The following TLCD4 variants were observed in gnomAD, a reference collection of about 807,000 sequenced individuals.
TLCD4 encodes TLC domain-containing protein 4.
In TLCD4, 7 loss-of-function variants were observed where a neutral mutation model predicts 24.2. That is an observed-to-expected ratio of 0.29 (90% confidence interval 0.16 to 0.54). The LOEUF (loss-of-function observed/expected upper bound fraction) is 0.54. Ranked by LOEUF, TLCD4 falls within the 20% of genes least tolerant of loss-of-function variation. TLCD4 has a pLI of 0.95. For missense variants in TLCD4, 259 were observed against 313.9 expected (o/e 0.82, Z 1.32); for synonymous variants, 103 against 106.4 (o/e 0.97, Z 0.20).
At chr1:95,131,439 A>G (rs771946335) in intron 1 of TLCD4, among the ~76,000 whole-genome samples, 6 of 152,230 alleles carry the variant, frequency 3.9e-5, no homozygotes, top group Non-Finnish European at 7.3e-5. Flanking sequence ...GCAGGTGCCA[A>G]CTGAGGCTGG....
the TLCD4 span, among the ~76,000 whole-genome samples, chr1:95,101,153 C>T: frequency 2.4e-4 from 37 of 152,134 alleles, no homozygotes; most frequent in East Asian, 7.8e-4. Context: ...GTGATCCACC[C>T]GCCTCAGCCT....
chr1:95,181,170 G>T (rs539167666), intron 6 of TLCD4, among the ~76,000 whole-genome samples: 1 of 150,602 alleles, frequency 6.6e-6, no homozygotes, highest in South Asian at 2.1e-4. Context: ...ATTTGTGTGT[G>T]TATGAAAAAT....
intron 1 of TLCD4, among the ~76,000 whole-genome samples, chr1:95,126,007 A>G (rs1005658761): frequency 6.8e-6 from 1 of 146,876 alleles, no homozygotes; most frequent in African/African-American, 2.5e-5. Context: ...AAAAAGGAAA[A>G]GAGGCCAGGT....
intron 1 of TLCD4, among the ~76,000 whole-genome samples, chr1:95,132,456 C>CAAAAA (rs34887671): frequency 1.7e-4 from 12 of 72,424 alleles, no homozygotes; most frequent in Non-Finnish European, 2.5e-4. Context: ...GACTCCAACT[C>CAAAAA]AAAAAAAAAA....
chr1:95,142,130 C>CTT (rs35609217), intron 1 of TLCD4, among the ~76,000 whole-genome samples: 29,105 of 119,214 alleles, frequency 0.24, 4,701 homozygotes, highest in East Asian at 0.31. Context: ...GCCTTAGTGC[C>CTT]TTTTTTTTTT....
At chr1:95,150,767 TA>T (rs1677472668) in intron 4 of TLCD4, among the ~76,000 whole-genome samples, 1 of 149,056 alleles carries the variant, frequency 6.7e-6, no homozygotes, top group South Asian at 2.1e-4. Flanking sequence ...ATTTTTAAAA[TA>T]TTTTTTGTAC....
intron 6 of TLCD4, among the ~76,000 whole-genome samples, chr1:95,185,024 T>G (rs1417153364): frequency 6.8e-6 from 1 of 147,512 alleles, no homozygotes; most frequent in Non-Finnish European, 1.5e-5. Context: ...ACCAATTTCT[T>G]TTTTTTTTTC....
At chr1:95,188,194 T>A (rs1678893410) in intron 6 of TLCD4, among the ~76,000 whole-genome samples, 1 of 152,066 alleles carries the variant, frequency 6.6e-6, no homozygotes, top group East Asian at 1.9e-4. Flanking sequence ...AAGACCATCC[T>A]GGCTAACACG....
chr1:95,129,422 T>A (rs550045808), intron 1 of TLCD4, among the ~76,000 whole-genome samples: 1 of 152,332 alleles, frequency 6.6e-6, no homozygotes, highest in South Asian at 2.1e-4. Flanking sequence ...TTGTTAAACC[T>A]TAAGTAATAT....
chr1:95,178,078 G>A (rs1473423118), intron 6 of TLCD4, among the ~76,000 whole-genome samples: 2 of 151,524 alleles, frequency 1.3e-5, no homozygotes, highest in Non-Finnish European at 2.9e-5. Context: ...AGCTTCCCGA[G>A]TAGCTGGGAC....
At chr1:95,098,285 G>A in the TLCD4 span, among the ~76,000 whole-genome samples, 2 of 152,112 alleles carry the variant, frequency 1.3e-5, no homozygotes, top group African/African-American at 4.8e-5. Context: ...TGGTTGCCCT[G>A]CCCCATTTCT....
the TLCD4 span, among the ~76,000 whole-genome samples, chr1:95,103,985 A>C: frequency 1.3e-5 from 2 of 152,220 alleles, no homozygotes; most frequent in Non-Finnish European, 1.5e-5. Flanking sequence ...AAAAAGCCAA[A>C]TGCTGATAGA....
At chr1:95,113,103 C>T (rs1358671273), upstream of TLCD4, among the ~76,000 whole-genome samples, 19 of 148,728 alleles carry the variant, frequency 1.3e-4, no homozygotes, top group Admixed American at 1.3e-3. Flanking sequence ...AGTGCAGTGG[C>T]GCGATCTCGG....
chr1:95,139,402 A>T (rs1445858686), intron 1 of TLCD4, among the ~76,000 whole-genome samples: 4 of 151,222 alleles, frequency 2.6e-5, no homozygotes, highest in Non-Finnish European at 4.4e-5. Flanking sequence ...TCAATAAATT[A>T]ACCTTAGCTT....
intron 1 of TLCD4, among the ~76,000 whole-genome samples, chr1:95,142,104 C>T (rs1677212797): frequency 7.0e-6 from 1 of 143,810 alleles, no homozygotes; most frequent in Non-Finnish European, 1.5e-5. Context: ...GCTGTATTTG[C>T]TGGATATGAG....
intron 1 of TLCD4, among the ~76,000 whole-genome samples, chr1:95,131,636 G>A (rs2100916706): frequency 6.6e-6 from 1 of 152,356 alleles, no homozygotes; most frequent in South Asian, 2.1e-4. Flanking sequence ...AGCTTGAGAA[G>A]AAAATGCATC....
At chr1:95,103,621 C>T in the TLCD4 span, among the ~76,000 whole-genome samples, 3 of 152,180 alleles carry the variant, frequency 2.0e-5, no homozygotes, top group Non-Finnish European at 4.4e-5. Flanking sequence ...ATTATTAAAA[C>T]CACATCTAAA....
intron 2 of TLCD4, among the ~76,000 whole-genome samples, chr1:95,146,808 C>T (rs1677362781): frequency 6.6e-6 from 1 of 152,086 alleles, no homozygotes; most frequent in Non-Finnish European, 1.5e-5. Flanking sequence ...TGTACTGAAT[C>T]ATACACCATT....
intron 6 of TLCD4, among the ~76,000 whole-genome samples, chr1:95,176,828 A>T (rs1265754737): frequency 2.0e-5 from 3 of 152,278 alleles, no homozygotes; most frequent in East Asian, 1.9e-4. Flanking sequence ...TATATATGGT[A>T]TAGGGGTCCA....
Sources: gnomAD v4.1 joint callset for allele counts (sites outside exome capture counted in the v4.1 genomes callset) on GRCh38, gnomAD v4.1.1 for gene constraint, MANE v1.5 for transcripts, NCBI Gene and HGNC (gene_info 2026-07-23, HGNC 2026-07-21) for gene names.